SLC25A17: variants seen among roughly 807,000 people sequenced by gnomAD.
The protein encoded by SLC25A17 is solute carrier family 25 member 17, also known as peroxisomal membrane protein PMP34.
Under a neutral mutation model 38.5 loss-of-function variants are expected in SLC25A17, and 26 were observed. That is an observed-to-expected ratio of 0.68 (90% CI 0.50 to 0.94). The LOEUF (loss-of-function observed/expected upper bound fraction) is 0.94, where lower values mean the gene tolerates loss of function less well. Ranked by LOEUF, SLC25A17 falls within the 40% of genes least tolerant of loss-of-function variation. The pLI is 0.00. For missense variants in SLC25A17, 333 were observed against 372.7 expected, an observed-to-expected ratio of 0.89 and a Z score of 0.88; for synonymous variants, 139 against 136.2, an observed-to-expected ratio of 1.02 and a Z score of -0.14.
chr22:40,818,004 C>A (rs533697618), intron 1 of SLC25A17, among the ~76,000 whole-genome samples: 2 of 152,224 alleles, frequency 1.3e-5, no homozygotes, highest in Non-Finnish European at 2.9e-5. Flanking sequence ...ATTCTCTAAA[C>A]TCTGTGAGGT....
chr22:40,778,086 C>G (rs529506564), intron 5 of SLC25A17, among the ~76,000 whole-genome samples: 121 of 152,280 alleles, frequency 7.9e-4, no homozygotes, highest in South Asian at 1.9e-3. Context: ...ACCACTATTT[C>G]ACTACAAAGA....
chr22:40,785,127 T>C (rs1485079046), intron 4 of SLC25A17, among the ~76,000 whole-genome samples: 12 of 152,226 alleles, frequency 7.9e-5, no homozygotes, highest in Admixed American at 7.2e-4. Flanking sequence ...CTCACGCCTG[T>C]AATCCCAACA....
At chr22:40,810,528 G>A (rs2057570985) in intron 1 of SLC25A17, among the ~76,000 whole-genome samples, 2 of 151,836 alleles carry the variant, frequency 1.3e-5, no homozygotes, top group Admixed American at 6.6e-5. Flanking sequence ...TGAGTTTTTA[G>A]TAGAGACACG....
chr22:40,801,913 C>G (rs1231763807), intron 1 of SLC25A17, among the ~76,000 whole-genome samples: 1 of 152,130 alleles, frequency 6.6e-6, no homozygotes, highest in African/African-American at 2.4e-5. Flanking sequence ...GTCTCAGCCT[C>G]CCGAGTAGCT....
At chr22:40,806,904 T>C (rs1002765230) in intron 1 of SLC25A17, among the ~76,000 whole-genome samples, 3 of 152,172 alleles carry the variant, frequency 2.0e-5, no homozygotes, top group African/African-American at 7.2e-5. Context: ...TGTCTGTACC[T>C]ATTCATAGGC....
intron 1 of SLC25A17, among the ~76,000 whole-genome samples, chr22:40,802,142 G>C (rs2057489807): frequency 6.6e-6 from 1 of 152,098 alleles, no homozygotes; most frequent in Admixed American, 6.5e-5. Flanking sequence ...TCTCCAGACA[G>C]AAAAAGTCTA....
At chr22:40,785,181 C>G (rs1435851033) in intron 4 of SLC25A17, among the ~76,000 whole-genome samples, 1 of 152,124 alleles carries the variant, frequency 6.6e-6, no homozygotes, top group Non-Finnish European at 1.5e-5. Context: ...GTCAGGAGTT[C>G]GAGATCAGCC....
rs537318270 is a variant in SLC25A17 at position 40,797,215 on chromosome 22, A to G, written c.115+1808T>C. 2.1e-3 allele frequency: 1,551 copies of G among 729,128 alleles called. 6 individuals are homozygous for G. The highest frequency in any genetic ancestry group is 2.4e-3 in the South Asian group (170 of 69,420). 45.2% of individuals were successfully genotyped at this position (729,128 alleles called of 1,614,324 possible). ...ATGTAAAATTATTTATCCAAAAACT[A>G]TAAAATTACCCAAAAATAGTAGGCA... On this transcript the variant is annotated intron_variant, in intron 2 of 8. Coordinates refer to ENST00000435456, the MANE Select transcript of SLC25A17 (RefSeq NM_006358.4).
chr22:40,814,251 T>C (rs776105093), intron 1 of SLC25A17, among the ~76,000 whole-genome samples: 3 of 152,234 alleles, frequency 2.0e-5, no homozygotes, highest in Non-Finnish European at 4.4e-5. Context: ...ACTGTCTTGC[T>C]GTCACTTGTT....
intron 4 of SLC25A17, among the ~76,000 whole-genome samples, chr22:40,783,318 C>G (rs1305224876): frequency 2.6e-5 from 4 of 152,138 alleles, no homozygotes; most frequent in African/African-American, 9.7e-5. Flanking sequence ...AGCAGTCTCC[C>G]TGGCCTCTAC....
chr22:40,791,781 A>G (rs1441342678), intron 4 of SLC25A17, among the ~76,000 whole-genome samples: 1 of 152,222 alleles, frequency 6.6e-6, no homozygotes, highest in Non-Finnish European at 1.5e-5. Flanking sequence ...ACTTCTGTGT[A>G]CTGTTGGTGG....
At chr22:40,801,440 T>C (rs2057483464) in intron 1 of SLC25A17, among the ~76,000 whole-genome samples, 1 of 152,084 alleles carries the variant, frequency 6.6e-6, no homozygotes, top group Admixed American at 6.6e-5. Context: ...ATTCTTTCTA[T>C]ATCTGTGCAC....
intron 7 of SLC25A17, among the ~76,000 whole-genome samples, chr22:40,776,679 T>C (rs1425803577): frequency 1.3e-5 from 2 of 152,156 alleles, no homozygotes; most frequent in Non-Finnish European, 2.9e-5. Flanking sequence ...GGAGGATCGC[T>C]TGAGTCCAGG....
At chr22:40,807,117 T>C (rs1002491293) in intron 1 of SLC25A17, among the ~76,000 whole-genome samples, 1 of 152,214 alleles carries the variant, frequency 6.6e-6, no homozygotes, top group Non-Finnish European at 1.5e-5. Context: ...ATTGTGTGTA[T>C]ATGCCACATT....
intron 1 of SLC25A17, among the ~76,000 whole-genome samples, chr22:40,806,595 A>T (rs2057532331): frequency 6.6e-6 from 1 of 152,138 alleles, no homozygotes; most frequent in Non-Finnish European, 1.5e-5. Context: ...AAAAAGGTGA[A>T]ATTAACATAT....
At chr22:40,781,085 C>T (rs867925761) in intron 4 of SLC25A17, among the ~76,000 whole-genome samples, 1 of 152,000 alleles carries the variant, frequency 6.6e-6, no homozygotes, top group Admixed American at 6.6e-5. Flanking sequence ...GTGGGAAGAT[C>T]GCTTCAGCCC....
intron 1 of SLC25A17, among the ~76,000 whole-genome samples, chr22:40,815,634 C>G (rs1349713039): frequency 6.6e-6 from 1 of 152,186 alleles, no homozygotes; most frequent in Non-Finnish European, 1.5e-5. Context: ...TATGGTCTTA[C>G]TACAACGTTC....
At chr22:40,815,166 A>G (rs2145714372) in intron 1 of SLC25A17, among the ~76,000 whole-genome samples, 1 of 152,294 alleles carries the variant, frequency 6.6e-6, no homozygotes, top group East Asian at 1.9e-4. Context: ...GAGAACAGGC[A>G]GAGGCTGAAG....
At chr22:40,785,346 T>C (rs994106880) in intron 4 of SLC25A17, among the ~76,000 whole-genome samples, 2 of 152,246 alleles carry the variant, frequency 1.3e-5, no homozygotes, top group African/African-American at 4.8e-5. Flanking sequence ...ATCGCGCCAC[T>C]GCACTCCAGC....
Sources: gnomAD v4.1 joint callset for allele counts (sites outside exome capture counted in the v4.1 genomes callset) on GRCh38, gnomAD v4.1.1 for gene constraint, MANE v1.5 for transcripts, NCBI Gene and HGNC (gene_info 2026-07-23, HGNC 2026-07-21) for gene names.